Variants in ROBO4 observed in about 807,000 individuals in gnomAD.
ROBO4 encodes the protein roundabout homolog 4.
ROBO4 carries 80 observed loss-of-function variants against 103.3 expected under a neutral mutation model. The observed-to-expected ratio is 0.77, with a 90% CI of 0.65 to 0.93. The LOEUF (loss-of-function observed/expected upper bound fraction) is 0.93, where lower values mean the gene tolerates loss of function less well. Among genes scored for constraint, ROBO4 ranks in the 40% least tolerant of loss-of-function variants. ROBO4 has a pLI of 0.00. For missense variants in ROBO4, 1,333 were observed against 1,305.3 expected, an observed-to-expected ratio of 1.02 and a Z score of -0.33; for synonymous variants, 504 against 529.7, an observed-to-expected ratio of 0.95 and a Z score of 0.67.
At chr11:124,896,134 A>G in intron 4 of ROBO4, 64 bp downstream of exon 4, 1 of 1,593,740 alleles carries the variant, frequency 6.3e-7, no homozygotes, top group Non-Finnish European at 8.5e-7. Context: ...AGCCCAAACC[A>G]GAATACACCA....
chr11:124,885,580 GTT>G (rs5795436), intron 16 of ROBO4, among the ~76,000 whole-genome samples: 2 of 142,038 alleles, frequency 1.4e-5, no homozygotes. Flanking sequence ...CCACAAGCCT[GTT>G]TTTTTTTTTT....
rs572155786 is a variant in ROBO4, at chr11:124,888,023, G to A, written c.1949-183C>T. Among the ~76,000 whole-genome samples the A allele has an allele frequency of 1.1e-4, 17 of 152,356 alleles. No individual in the cohort carries two copies. In the East Asian group the frequency reaches 3.1e-3, roughly 28 times the overall value. Reference sequence around the variant, plus strand: ...TCCAGCAGCTGTGATAGGGTAGAAGGAGCACTAGGCTTGGGGTCAAAAGAC... The same window carrying A: ...TCCAGCAGCTGTGATAGGGTAGAAGAAGCACTAGGCTTGGGGTCAAAAGAC... On this transcript the variant is annotated intron_variant, in intron 12 of 17. Transcript: ENST00000306534.
intron 6 of ROBO4, 72 bp from the exon 7 acceptor site, chr11:124,895,265 G>A (rs973897814): frequency 4.8e-5 from 63 of 1,311,526 alleles, no homozygotes; most frequent in Non-Finnish European, 6.4e-5. Context: ...TGGGCTGGGG[G>A]ACACAGCGTC....
Position 124,897,262 on chromosome 11 carries a change from C to G in ROBO4, c.71-1G>C. 7.0e-7 allele frequency: 1 copy of G among 1,437,436 alleles called. No individual in the cohort carries two copies. Among genetic ancestry groups the G allele is most frequent in the Non-Finnish European group, 9.1e-7 (1 of 1,096,628 alleles). 89.0% of individuals were successfully genotyped at this position (1,437,436 alleles called of 1,614,324 possible). On this transcript the variant is annotated splice_acceptor_variant, in intron 1 of 17. Transcript: ENST00000306534. LOFTEE classifies it high-confidence loss of function. The stretch of plus-strand genomic sequence containing the variant: ...GGCGGGGAGTCCTGAGCCATGCCTC[C>G]TGGGAGGGAAAGGGAGCAGAGCCCA...
In ROBO4 at chr11:124,891,536, C is replaced by G. The variant is rs369179467; in HGVS notation, c.1711G>C (p.Gly571Arg). 7.4e-5 allele frequency: 119 copies of G among 1,614,030 alleles called. No homozygotes were observed. Among genetic ancestry groups the G allele is most frequent in the Non-Finnish European group, 9.2e-5 (109 of 1,180,034 alleles). The change falls in exon 12 of 18, where the codon GGC (glycine) becomes CGC (arginine). Residue 571 changes from glycine (G) to arginine (R), a missense_variant. By Grantham distance (125) the Gly-to-Arg change is moderately radical. Coordinates refer to ENST00000306534, the MANE Select transcript of ROBO4 (RefSeq NM_019055.6). ...CTGGTGTCTGGAAGCAGGGGCACGCCGGGGCTTCGGGAGTCCCAGGAGAGC... is the reference window on the plus strand; with the variant it reads ...CTGGTGTCTGGAAGCAGGGGCACGCGGGGGCTTCGGGAGTCCCAGGAGAGC... ...SLLSWDSRSP[G>R]VPLLPDTSTF...
At chr11:124,891,901 A>C in intron 10 of ROBO4, 99 bp from the exon 11 acceptor site, 1 of 1,352,936 alleles carries the variant, frequency 7.4e-7, no homozygotes, top group Non-Finnish European at 1.0e-6. Context: ...GAAGAGGGCA[A>C]GGAGATGGTG....
At position 124,895,859 on chromosome 11, in the gene ROBO4, C is replaced by A; in HGVS notation, c.733G>T (p.Glu245Ter). 3 of 1,614,154 alleles carry A rather than the reference C, an allele frequency of 1.9e-6. No homozygotes were observed. The highest frequency in any genetic ancestry group is 1.7e-6 in the Non-Finnish European group (2 of 1,180,028). The change falls in exon 5 of 18, where the codon GAA (glutamate) becomes TAA (stop). Residue 245 changes from glutamate to a stop codon, truncating the protein, a stop_gained. Transcript: ENST00000306534. LOFTEE classifies it high-confidence loss of function. The part of the protein sequence containing the change: ...VELLAVRIQL[E>*]NVTLLNPDPA... ...TCCGGGTTCAGCAGTGTCACATTTT[C>A]CAGCTGAATTCGCACAGCCAGAAGC... is the stretch of plus-strand genomic sequence containing the variant.
At chr11:124,891,258 C>A in intron 12 of ROBO4, 41 bp downstream of exon 12, 1 of 1,497,748 alleles carries the variant, frequency 6.7e-7, no homozygotes, top group South Asian at 1.4e-5. Context: ...CTGGGCCCGC[C>A]TACCACCAGC....
rs1946681934 is a variant in ROBO4 at position 124,884,593 on chromosome 11, G to A, written c.*298C>T. On this transcript the variant is annotated 3_prime_UTR_variant, in exon 18 of 18. Coordinates refer to ENST00000306534, the MANE Select transcript of ROBO4 (RefSeq NM_019055.6). Reference sequence around the variant, plus strand: ...ATGGTGGGGGAAGAGCAGCAGGCAGGGCTGCTCCTCAGGCCAAAACAACCT... The same window carrying A: ...ATGGTGGGGGAAGAGCAGCAGGCAGAGCTGCTCCTCAGGCCAAAACAACCT... 1 of 503,302 alleles carries A rather than the reference G, an allele frequency of 2.0e-6. No individual in the cohort carries two copies. Among genetic ancestry groups the A allele is most frequent in the Admixed American group, 3.4e-5 (1 of 29,274 alleles). The allele number at this position is 503,302 out of a possible 1,614,324, so 31.2% of individuals were successfully genotyped here.
chr11:124,894,495 A>C, intron 7 of ROBO4, 126 bp from the exon 8 acceptor site: 1 of 869,474 alleles, frequency 1.2e-6, no homozygotes, highest in Non-Finnish European at 1.7e-6. Context: ...AATGCACCCA[A>C]TTTCCTATTC....
intron 12 of ROBO4, among the ~76,000 whole-genome samples, chr11:124,889,938 G>A (rs1946775041): frequency 6.6e-6 from 1 of 152,168 alleles, no homozygotes; most frequent in South Asian, 2.1e-4. Context: ...GTGAGATGGG[G>A]CTGGAGCGAG....
intron 4 of ROBO4, 45 bp from the exon 5 acceptor site, chr11:124,895,957 A>T (rs1946881901): frequency 6.2e-7 from 1 of 1,609,900 alleles, no homozygotes; most frequent in East Asian, 2.2e-5. Flanking sequence ...GGCCAGAGTG[A>T]CAGAACTGAG....
In ROBO4 at chr11:124,896,966, C is replaced by T. The variant is rs1465158464; in HGVS notation, c.366G>A (p.Thr122=). 1.4e-5 allele frequency: 23 copies of T among 1,613,582 alleles called. No homozygotes were observed. The highest frequency in any genetic ancestry group is 4.5e-5 in the East Asian group (2 of 44,880). The part of the protein sequence containing the change: ...YTCEASNRLG[T]AVSRGARLSV... ...ACAGCCGAGCGCCTCTGCTGACTGC[C>T]GTGCCAAGCCGGTTGCTGGCCTCAC... is the stretch of plus-strand genomic sequence containing the variant. Residue 122 remains threonine, a synonymous_variant, in exon 2 of 18, where the codon ACG becomes ACA. Transcript: ENST00000306534.
chr11:124,890,049 T>C (rs1400559769), intron 12 of ROBO4, among the ~76,000 whole-genome samples: 1 of 152,328 alleles, frequency 6.6e-6, no homozygotes, highest in Non-Finnish European at 1.5e-5. Context: ...ACCACTCACC[T>C]CTTTCCAGTA....
intron 10 of ROBO4, 137 bp from the exon 11 acceptor site, chr11:124,891,939 T>G: frequency 1.0e-6 from 1 of 994,698 alleles, no homozygotes; most frequent in South Asian, 1.4e-5. Flanking sequence ...GCTTTTCAGC[T>G]TTTCACAGAC....
chr11:124,895,509 G>A lies in ROBO4; in HGVS notation c.984C>T (p.Gly328=), dbSNP rs1946870731. Residue 328 remains glycine, a synonymous_variant, in exon 6 of 18, where the codon GGC becomes GGT. Coordinates refer to ENST00000306534, the MANE Select transcript of ROBO4 (RefSeq NM_019055.6). The part of the protein sequence containing the change: ...DYEFKVRPSS[G]RARGPDSNVL... ...CGTTGCTGTCAGGGCCTCGAGCCCG[G>A]CCAGAGGATGGTCTCACTTTGAACT... The A allele has an allele frequency of 6.2e-7, 1 of 1,611,498 alleles. No individual in the cohort carries two copies. The highest frequency in any genetic ancestry group is 8.5e-7 in the Non-Finnish European group (1 of 1,180,014).
At position 124,896,183 on chromosome 11, in the gene ROBO4, C is replaced by G. The variant is rs770591060; in HGVS notation, c.679+15G>C. 1.2e-6 allele frequency: 2 copies of G among 1,612,646 alleles called. No individual in the cohort carries two copies. The highest frequency in any genetic ancestry group is 1.7e-4 in the Middle Eastern group (1 of 6,056). On this transcript the variant is annotated intron_variant, in intron 4 of 17. Transcript: ENST00000306534. ...CTGCAGCCTGGCTCTGATTGTAGCCCACCCCTGCCCTTACCCTGGATGGAA... is the reference window on the plus strand; with the variant it reads ...CTGCAGCCTGGCTCTGATTGTAGCCGACCCCTGCCCTTACCCTGGATGGAA...
At chr11:124,895,998 C>G (rs12421743) in intron 4 of ROBO4, 86 bp from the exon 5 acceptor site, 283,252 of 1,576,546 alleles carry the variant, frequency 0.18, 29,364 homozygotes, top group African/African-American at 0.46. Context: ...AGGGAGGAAC[C>G]CCAGGGAACC....
intron 1 of ROBO4, 44 bp downstream of exon 1, chr11:124,897,682 C>A (rs747522744): frequency 3.8e-6 from 6 of 1,583,874 alleles, no homozygotes; most frequent in African/African-American, 1.3e-5. Flanking sequence ...CCTGAGCAGG[C>A]CTTGGATGGA....
Sources: gnomAD v4.1 joint callset for allele counts (sites outside exome capture counted in the v4.1 genomes callset) on GRCh38, gnomAD v4.1.1 for gene constraint, MANE v1.5 for transcripts, NCBI Gene and HGNC (gene_info 2026-07-23, HGNC 2026-07-21) for gene names.